The following MALT1 variants were observed in gnomAD, a reference collection of about 807,000 sequenced individuals.
MALT1 encodes MALT1 paracaspase.
MALT1 carries 36 observed loss-of-function variants against 85.5 expected under a neutral mutation model. The ratio of observed to expected loss-of-function variants is 0.42; its 90% CI spans 0.32 to 0.56. The LOEUF is 0.56. MALT1 is among the 20% of genes least tolerant of loss of function. The pLI is 0.10. For missense variants in MALT1, 716 were observed against 981.6 expected, an observed-to-expected ratio of 0.73 and a Z score of 3.62; for synonymous variants, 359 against 361.3, an observed-to-expected ratio of 0.99 and a Z score of 0.07.
chr18:58,725,538 G>C (rs1302724951), intron 10 of MALT1, among the ~76,000 whole-genome samples: 1 of 152,086 alleles, frequency 6.6e-6, no homozygotes, highest in East Asian at 1.9e-4. Flanking sequence ...TTATACAATT[G>C]ATCTCAGCTT....
intron 13 of MALT1, among the ~76,000 whole-genome samples, chr18:58,737,736 C>A (rs947428122): frequency 1.3e-5 from 2 of 152,098 alleles, no homozygotes; most frequent in Non-Finnish European, 2.9e-5. Flanking sequence ...GCACACACCA[C>A]CACGTCCGGC....
chr18:58,691,288 C>A, intron 2 of MALT1: 1 of 586,344 alleles, frequency 1.7e-6, no homozygotes, highest in South Asian at 1.5e-5. Context: ...CTGGAGAAAG[C>A]CGATTTGCAA....
chr18:58,699,247 T>G (rs1181987718), intron 3 of MALT1, among the ~76,000 whole-genome samples: 3 of 152,122 alleles, frequency 2.0e-5, no homozygotes, highest in Non-Finnish European at 4.4e-5. Context: ...AAAAAGGAGG[T>G]AATTTCTGTC....
chr18:58,680,881 C>T (rs933822620), intron 1 of MALT1, among the ~76,000 whole-genome samples: 1 of 146,378 alleles, frequency 6.8e-6, no homozygotes, highest in Non-Finnish European at 1.5e-5. Flanking sequence ...CGAGATTGCG[C>T]CACTGCAGTC....
chr18:58,733,958 G>A (rs940886187), intron 11 of MALT1: 7 of 1,149,526 alleles, frequency 6.1e-6, no homozygotes, highest in Admixed American at 8.6e-5. Flanking sequence ...CATGGAATGA[G>A]TAGCCGAAGC....
intron 9 of MALT1, among the ~76,000 whole-genome samples, chr18:58,718,003 A>G (rs2054928168): frequency 6.6e-6 from 1 of 152,238 alleles, no homozygotes; most frequent in Non-Finnish European, 1.5e-5. Flanking sequence ...TTAATCACAA[A>G]TATGCATTTA....
At chr18:58,680,495 C>G (rs541120398) in intron 1 of MALT1, among the ~76,000 whole-genome samples, 18 of 152,036 alleles carry the variant, frequency 1.2e-4, no homozygotes, top group African/African-American at 4.1e-4. Flanking sequence ...TTGTTCTATC[C>G]GCTTCATTTG....
chr18:58,681,698 G>A (rs936868957), intron 2 of MALT1, among the ~76,000 whole-genome samples: 3 of 152,052 alleles, frequency 2.0e-5, no homozygotes, highest in Non-Finnish European at 4.4e-5. Flanking sequence ...TTGGAATAGT[G>A]CAGCCAAAAA....
chr18:58,752,303 T>C lies in MALT1; in HGVS notation c.*4461T>C, dbSNP rs2055456941. The C allele has an allele frequency of 6.6e-6, 1 of 152,222 alleles. No homozygotes were observed. The highest frequency in any genetic ancestry group is 1.5e-5 in the Non-Finnish European group (1 of 68,038). The allele number at this position is 152,222 out of a possible 1,614,324, so 9.4% of individuals were successfully genotyped here. A position where few individuals can be genotyped will look rare whatever the true frequency, so the allele number is the denominator to read the frequency against. On this transcript the variant is annotated 3_prime_UTR_variant, in exon 17 of 17. Transcript: ENST00000649217. ...AATCTGATGTATGTAATTTTACTTT[T>C]AAGGGTTTTTTTCCAAACAGACGTC...
chr18:58,723,409 C>T (rs2144424389), intron 10 of MALT1, among the ~76,000 whole-genome samples, 158 bp downstream of exon 10: 1 of 152,044 alleles, frequency 6.6e-6, no homozygotes, highest in East Asian at 1.9e-4. Flanking sequence ...GATCTTCATT[C>T]CATCTGAATA....
chr18:58,717,761 A>AC (rs2054924435), intron 9 of MALT1, among the ~76,000 whole-genome samples: 1 of 151,776 alleles, frequency 6.6e-6, no homozygotes, highest in African/African-American at 2.4e-5. Flanking sequence ...AAAAAAAAAA[A>AC]AAAAAAGAAA....
At chr18:58,691,992 C>G (rs1281174580) in intron 2 of MALT1, 1 of 142,124 alleles carries the variant, frequency 7.0e-6, no homozygotes, top group Non-Finnish European at 1.5e-5. Flanking sequence ...TGCAGTGAGC[C>G]AAGATCGCGC....
Position 58,747,456 on chromosome 18 carries a change from G to T in MALT1, c.2089G>T (p.Asp697Tyr). The stretch of plus-strand genomic sequence containing the variant: ...ATCATATCAGTACTCAGGATTGGAA[G>T]ATACTGTAGAGGACAAGCAGGAAGT... ...CLSYQYSGLE[D>Y]TVEDKQEVNV... The change falls in exon 17 of 17, where the codon GAT (aspartate) becomes TAT (tyrosine). Residue 697 changes from aspartate to tyrosine, a missense_variant. Asp to Tyr is a radical substitution (Grantham distance 160). Around this residue, in one of 4 missense-constraint regions of MALT1, gnomAD observed 260 missense variants for 323.7 expected, o/e 0.80. Coordinates refer to ENST00000649217, the MANE Select transcript of MALT1 (RefSeq NM_006785.4). 1 of 1,613,874 alleles carries T rather than the reference G, an allele frequency of 6.2e-7. No individual in the cohort carries two copies. Among genetic ancestry groups the T allele is most frequent in the Non-Finnish European group, 8.5e-7 (1 of 1,179,754 alleles).
chr18:58,686,939 A>G (rs1455819743), intron 2 of MALT1, among the ~76,000 whole-genome samples: 2 of 152,232 alleles, frequency 1.3e-5, no homozygotes, highest in Admixed American at 6.5e-5. Context: ...CAAAGTCACA[A>G]TTATTGACAA....
rs137964043 is a variant in MALT1, at chr18:58,745,701, C to T, written c.1947C>T (p.Gly649=). The T allele has an allele frequency of 6.2e-7, 1 of 1,613,144 alleles. No homozygotes were observed. Among genetic ancestry groups the T allele is most frequent in the African/African-American group, 1.3e-5 (1 of 74,808 alleles). The change falls in exon 16 of 17, where the codon GGC becomes GGT. Residue 649 remains glycine, a synonymous_variant. Transcript: ENST00000649217. ...TTGATCCAAAAGATGCAAATAAAGG[C>T]ACACCTGAAGAAACTGGCAGCTACT... ...LDIDPKDANK[G]TPEETGSYLV...
chr18:58,692,407 C>CCTCTCTCTCTTTCTCTCTCT (rs2054519610), intron 2 of MALT1, among the ~76,000 whole-genome samples: 2 of 130,360 alleles, frequency 1.5e-5, no homozygotes, highest in African/African-American at 6.0e-5. Context: ...ACTGGCCATT[C>CCTCTCTCTCTTTCTCTCTCT]CTCTCTCTCT....
chr18:58,722,924 GA>G (rs1464576036), intron 9 of MALT1, 123 bp from the exon 10 acceptor site: 13 of 649,704 alleles, frequency 2.0e-5, no homozygotes, highest in Non-Finnish European at 3.1e-5. Context: ...ATTAAATAAT[GA>G]AATCTTATTT....
At chr18:58,736,074 G>C (rs1373849281) in intron 13 of MALT1, among the ~76,000 whole-genome samples, 1 of 152,028 alleles carries the variant, frequency 6.6e-6, no homozygotes, top group Non-Finnish European at 1.5e-5. Context: ...GATCACTTAA[G>C]GCCAAGAGTT....
At position 58,753,194 on chromosome 18, in the gene MALT1, ATT is replaced by A. The variant is rs945913114; in HGVS notation, c.*5354_*5355del. On this transcript the variant is annotated 3_prime_UTR_variant, in exon 17 of 17. Coordinates refer to ENST00000649217, the MANE Select transcript of MALT1 (RefSeq NM_006785.4). ...TAGGCAGTATAGAGTGTTTTTTTTT[ATT>A]TGTTTTTTTGTTGTTGTCTTTTGAG... is the stretch of plus-strand genomic sequence containing the variant. The A allele has an allele frequency of 3.3e-5, 5 of 150,736 alleles. No homozygotes were observed. The highest frequency in any genetic ancestry group is 7.3e-5 in the African/African-American group (3 of 40,948). 9.3% of individuals were successfully genotyped at this position (150,736 alleles called of 1,614,324 possible).
Sources: allele counts gnomAD v4.1 joint callset (sites outside exome capture counted in the v4.1 genomes callset), GRCh38; gene constraint gnomAD v4.1.1; regional missense constraint gnomAD v4.1.1; transcripts MANE v1.5; gene names NCBI Gene and HGNC (gene_info 2026-07-23, HGNC 2026-07-21).